The following ADAMTSL2 variants were observed in gnomAD, a reference collection of about 807,000 sequenced individuals.
The protein encoded by ADAMTSL2 is ADAMTS-like protein 2.
In ADAMTSL2, 55 loss-of-function variants were observed where a neutral mutation model predicts 117.0. The observed-to-expected ratio is 0.47, with a 90% CI of 0.38 to 0.59. The LOEUF (loss-of-function observed/expected upper bound fraction) is 0.59. Among genes scored for constraint, ADAMTSL2 ranks in the 20% least tolerant of loss-of-function variants. The pLI, the probability that ADAMTSL2 is intolerant of heterozygous loss-of-function variation, is 0.00. For synonymous variants in ADAMTSL2, 572 were observed against 566.4 expected (o/e 1.01, Z -0.14); for missense variants, 1,182 against 1,354.5 (o/e 0.87, Z 2.00).
At chr9:133,560,460 A>G (rs1359563696) in intron 11 of ADAMTSL2, among the ~76,000 whole-genome samples, 1 of 152,150 alleles carries the variant, frequency 6.6e-6, no homozygotes, top group Non-Finnish European at 1.5e-5. Flanking sequence ...GTCCAGAATG[A>G]GCCTGCACAT....
At chr9:133,549,461 G>T (rs1330703397) in intron 9 of ADAMTSL2, among the ~76,000 whole-genome samples, 3 of 152,034 alleles carry the variant, frequency 2.0e-5, no homozygotes, top group Non-Finnish European at 2.9e-5. Context: ...AGGGGCAGGG[G>T]GATACCAAGA....
intron 11 of ADAMTSL2, among the ~76,000 whole-genome samples, chr9:133,559,602 T>G (rs1289140144): frequency 6.6e-6 from 1 of 150,710 alleles, no homozygotes; most frequent in Non-Finnish European, 1.5e-5. Context: ...TCCACCCGCC[T>G]CGGCCTCCCA....
At chr9:133,548,912 C>T (rs1830419654) in intron 9 of ADAMTSL2, among the ~76,000 whole-genome samples, 1 of 152,178 alleles carries the variant, frequency 6.6e-6, no homozygotes, top group Non-Finnish European at 1.5e-5. Context: ...GTTTCTTTCT[C>T]AGGGAGCCTT....
Position 133,552,695 on chromosome 9 carries a change from G to A in ADAMTSL2, c.940-1662G>A, listed in dbSNP as rs373040873. ...CAGTGATCACATCCTGGCAGTGGAG[G>A]CCACCACTTGGTGGAGGGTGCAGCA... is the stretch of plus-strand genomic sequence containing the variant. On this transcript the variant is annotated intron_variant, in intron 9 of 18. Coordinates refer to ENST00000651351, the MANE Select transcript of ADAMTSL2 (RefSeq NM_014694.4). Among the ~76,000 whole-genome samples, 54 of 152,282 alleles carry A rather than the reference G, an allele frequency of 3.5e-4. 1 individual carries two copies. Among genetic ancestry groups the A allele is most frequent in the Middle Eastern group, 3.4e-3 (1 of 294 alleles).
Position 133,555,821 on chromosome 9 carries a change from T to C in ADAMTSL2, c.1540T>C (p.Tyr514His). ...GAGPYLLNGSYLELSSDRVAN... is the reference protein window; with the variant it reads ...GAGPYLLNGSHLELSSDRVAN... ...TGGCCCTTACCTGCTCAACGGGTCC[T>C]ACCTGGAGCTGAGCAGCGACAGGGT... The change falls in exon 11 of 19, where the codon TAC becomes CAC. Residue 514 changes from tyrosine (Y) to histidine (H), a missense_variant. Transcript: ENST00000651351. 2 of 1,613,798 alleles carry C rather than the reference T, an allele frequency of 1.2e-6. No homozygotes were observed. Among genetic ancestry groups the C allele is most frequent in the Non-Finnish European group, 1.7e-6 (2 of 1,180,022 alleles).
intron 3 of ADAMTSL2, 86 bp from the exon 4 acceptor site, chr9:133,538,263 G>A: frequency 2.0e-6 from 3 of 1,510,820 alleles, no homozygotes; most frequent in Non-Finnish European, 2.8e-6. Flanking sequence ...GGGAGATTCT[G>A]GATCCCAGTG....
chr9:133,560,132 G>A (rs1341643184), intron 11 of ADAMTSL2, among the ~76,000 whole-genome samples: 1 of 152,178 alleles, frequency 6.6e-6, no homozygotes, highest in Non-Finnish European at 1.5e-5. Flanking sequence ...CTCTAAGCCT[G>A]ACCACCCCCA....
intron 9 of ADAMTSL2, among the ~76,000 whole-genome samples, chr9:133,551,812 C>CTTTTTTTTTTTTTTTTTTTTTT (rs56225051): frequency 9.9e-5 from 11 of 111,054 alleles, no homozygotes; most frequent in African/African-American, 1.5e-4. Flanking sequence ...AAAGCAGCAG[C>CTTTTTTTTTTTTTTTTTTTTTT]TTTTTTTTTT....
In ADAMTSL2 at chr9:133,557,981, T is replaced by G. The variant is rs1292881232; in HGVS notation, c.1649+2051T>G. Among the ~76,000 whole-genome samples the G allele has an allele frequency of 1.0e-5, 1 of 98,584 alleles. No homozygotes were observed. Among genetic ancestry groups the G allele is most frequent in the East Asian group, 1.9e-4 (1 of 5,176 alleles). The allele number at this position is 98,584 out of a possible 152,430, so 64.7% of individuals were successfully genotyped here. A position where few individuals can be genotyped will look rare whatever the true frequency, so the allele number is the denominator to read the frequency against. On this transcript the variant is annotated intron_variant, in intron 11 of 18. Transcript: ENST00000651351. The surrounding 1 kb of genome is among the most constrained non-coding windows in gnomAD (Gnocchi z 5.2). The stretch of plus-strand genomic sequence containing the variant: ...GGGGGGCTTGTCAGGGGCTGCCCTT[T>G]GGGCCCACCAGGTCAAATATTCAGT...
At chr9:133,571,790 T>G (rs2131187695) in intron 17 of ADAMTSL2, among the ~76,000 whole-genome samples, 1 of 152,292 alleles carries the variant, frequency 6.6e-6, no homozygotes, top group South Asian at 2.1e-4. Context: ...TGGGAATCAC[T>G]GGGCAGGTGC....
At position 133,568,410 on chromosome 9, in the gene ADAMTSL2, C is replaced by T. The variant is rs1402562507; in HGVS notation, c.2012C>T (p.Ala671Val). 2.0e-5 allele frequency: 32 copies of T among 1,608,066 alleles called. No individual in the cohort carries two copies. The highest frequency in any genetic ancestry group is 2.6e-5 in the Non-Finnish European group (31 of 1,178,178). ...AGCGACCTGTGCGAGGCAGCCGAGG[C>T]CGTGCGGCCCGAGGAACGCAAGACC... The part of the protein sequence containing the change: ...VYSDLCEAAE[A>V]VRPEERKTCR... Residue 671 changes from alanine (A) to valine (V), a missense_variant, in exon 14 of 19, where the codon GCC (alanine) becomes GTC (valine). Ala to Val is a moderately conservative substitution (Grantham distance 64). Transcript: ENST00000651351.
chr9:133,566,999 G>T lies in ADAMTSL2; in HGVS notation c.1811G>T (p.Cys604Phe). The T allele has an allele frequency of 6.2e-7, 1 of 1,611,524 alleles. No homozygotes were observed. The highest frequency in any genetic ancestry group is 8.5e-7 in the Non-Finnish European group (1 of 1,179,524). Reference protein sequence around the residue: ...YDGVEVDDSYCDALTRPEPVH... With the variant: ...YDGVEVDDSYFDALTRPEPVH... ...GGCGTCGAGGTGGATGACAGCTACT[G>T]TGACGCCCTGACCCGTCCCGAGCCT... is the stretch of plus-strand genomic sequence containing the variant. The change falls in exon 13 of 19, where the codon TGT becomes TTT. Residue 604 changes from cysteine to phenylalanine, a missense_variant. By Grantham distance (205) the Cys-to-Phe change is radical. Transcript: ENST00000651351.
intron 4 of ADAMTSL2, 97 bp from the exon 5 acceptor site, chr9:133,539,674 G>GCTGTCCCGGCTGTCCCGGCTGT (rs1830157298): frequency 7.9e-7 from 1 of 1,270,098 alleles, no homozygotes. Context: ...GGCTGTCCCG[G>GCTGTCCCGGCTGTCCCGGCTGT]CTGTCCCGGC....
Position 133,551,397 on chromosome 9 carries a change from G to A in ADAMTSL2, c.940-2960G>A, listed in dbSNP as rs565814364. Among the ~76,000 whole-genome samples the A allele has an allele frequency of 5.6e-4, 85 of 152,196 alleles. 1 individual carries two copies. The highest frequency in any genetic ancestry group is 1.9e-3 in the African/African-American group (78 of 41,520). Reference sequence around the variant, plus strand: ...GGTCCCTTGCTGACACAGCTTTGTCGTACCCTCTGGCCCTGGGTGTGCCTA... The same window carrying A: ...GGTCCCTTGCTGACACAGCTTTGTCATACCCTCTGGCCCTGGGTGTGCCTA... On this transcript the variant is annotated intron_variant, in intron 9 of 18. Coordinates refer to ENST00000651351, the MANE Select transcript of ADAMTSL2 (RefSeq NM_014694.4).
chr9:133,537,590 C>A, intron 3 of ADAMTSL2, 43 bp downstream of exon 3: 1 of 1,332,908 alleles, frequency 7.5e-7, no homozygotes, highest in Non-Finnish European at 9.7e-7. Context: ...GGCATGAGGG[C>A]AGGGTAGCGG....
intron 17 of ADAMTSL2, among the ~76,000 whole-genome samples, chr9:133,573,411 G>A (rs1297989229): frequency 1.3e-5 from 2 of 152,230 alleles, no homozygotes; most frequent in Non-Finnish European, 2.9e-5. Context: ...GGAAAGCTGG[G>A]GCCAGAGGAC....
At position 133,534,783 on chromosome 9, in the gene ADAMTSL2, G is replaced by C. The variant is rs994842201; in HGVS notation, c.-285G>C. ...AGAGGGAGGCGGCGCGGGGGAGGAG[G>C]GGAAGGGGAGAGGGAGGCCGGGCCG... On this transcript the variant is annotated 5_prime_UTR_variant, in exon 1 of 19. Coordinates refer to ENST00000651351, the MANE Select transcript of ADAMTSL2 (RefSeq NM_014694.4). 4.7e-6 allele frequency: 7 copies of C among 1,477,930 alleles called. No homozygotes were observed. The highest frequency in any genetic ancestry group is 6.3e-6 in the Non-Finnish European group (7 of 1,109,302). 91.6% of individuals were successfully genotyped at this position (1,477,930 alleles called of 1,614,324 possible).
In ADAMTSL2 at chr9:133,544,567, T is replaced by A. The variant is rs1195996097; in HGVS notation, c.763+17T>A. The stretch of plus-strand genomic sequence containing the variant: ...ACGTGCTAGGTGGGTACGCAGTGTC[T>A]GGCAGCTGCCTCACTGAGCTTTTGG... On this transcript the variant is annotated intron_variant, in intron 8 of 18. Transcript: ENST00000651351. The A allele has an allele frequency of 1.2e-6, 2 of 1,608,664 alleles. No individual in the cohort carries two copies. The highest frequency in any genetic ancestry group is 2.2e-5 in the South Asian group (2 of 90,988).
intron 7 of ADAMTSL2, among the ~76,000 whole-genome samples, chr9:133,542,744 C>T (rs186044818): frequency 6.6e-6 from 1 of 151,912 alleles, no homozygotes; most frequent in Non-Finnish European, 1.5e-5. Context: ...TACTCTTGGC[C>T]TGTGATCCTC....
Sources: gnomAD v4.1 joint callset for allele counts (sites outside exome capture counted in the v4.1 genomes callset) on GRCh38, gnomAD v4.1.1 for gene constraint, Gnocchi (gnomAD v3.1) non-coding constraint, MANE v1.5 for transcripts, NCBI Gene and HGNC (gene_info 2026-07-23, HGNC 2026-07-21) for gene names.